The following CARMIL1 variants were observed in gnomAD, a reference collection of about 807,000 sequenced individuals.
CARMIL1 encodes capping protein regulator and myosin 1 linker 1.
CARMIL1 carries 90 observed loss-of-function variants against 177.1 expected under a neutral mutation model. The observed-to-expected ratio is 0.51, with a 90% CI of 0.43 to 0.61. The LOEUF (loss-of-function observed/expected upper bound fraction) is 0.61, where lower values mean the gene tolerates loss of function less well. CARMIL1 is among the 20% of genes least tolerant of loss of function. The probability of loss-of-function intolerance (pLI) is 0.00; values close to 1 mark genes in which losing one functional copy is unlikely to be tolerated. For missense variants in CARMIL1, 1,380 were observed against 1,667.0 expected (o/e 0.83, Z 3.00); for synonymous variants, 577 against 606.2 (o/e 0.95, Z 0.71).
rs1263301777 is a variant in CARMIL1, at chr6:25,577,623, A to G, written c.2743-3301A>G. On this transcript the variant is annotated intron_variant, in intron 29 of 36. Coordinates refer to ENST00000329474, the MANE Select transcript of CARMIL1 (RefSeq NM_017640.6). This position sits in a 1 kb window ranked among gnomAD's most constrained non-coding sequence, Gnocchi z 4.5. ...ACTCTCATTTTTTTAAAAAAAAAGT[A>G]TGTCTAGGAATTACATGTTAAAAGT... 6.6e-6 allele frequency among the ~76,000 whole-genome samples: 1 copy of G among 152,134 alleles called. No homozygotes were observed. Among genetic ancestry groups the G allele is most frequent in the Non-Finnish European group, 1.5e-5 (1 of 68,010 alleles).
chr6:25,449,682 C>T (rs1425397743), intron 5 of CARMIL1, among the ~76,000 whole-genome samples: 1 of 152,038 alleles, frequency 6.6e-6, no homozygotes, highest in Non-Finnish European at 1.5e-5. Context: ...TGCTAAATAC[C>T]TTTCATCTAC....
chr6:25,357,862 A>G (rs183653686), intron 2 of CARMIL1, among the ~76,000 whole-genome samples: 385 of 152,342 alleles, frequency 2.5e-3, no homozygotes, highest in Middle Eastern at 0.017. Flanking sequence ...GCAGTATGGC[A>G]GGTACATTAC....
intron 2 of CARMIL1, among the ~76,000 whole-genome samples, chr6:25,314,578 A>G (rs1581535787): frequency 6.6e-6 from 1 of 152,030 alleles, no homozygotes; most frequent in South Asian, 2.1e-4. Context: ...ACATTCACAC[A>G]TGCACTTATA....
chr6:25,299,102 A>G (rs1782656289), intron 2 of CARMIL1, among the ~76,000 whole-genome samples: 5 of 149,698 alleles, frequency 3.3e-5, no homozygotes, highest in Admixed American at 3.3e-4. Context: ...AGGGTGCATT[A>G]TCTGAGTTCA....
intron 5 of CARMIL1, among the ~76,000 whole-genome samples, chr6:25,441,200 A>G (rs1383883435): frequency 6.6e-6 from 1 of 151,750 alleles, no homozygotes. Flanking sequence ...TGTATTCCCA[A>G]CTAATGGGAG....
chr6:25,463,968 G>A (rs925218581), intron 8 of CARMIL1, among the ~76,000 whole-genome samples: 22 of 150,588 alleles, frequency 1.5e-4, no homozygotes, highest in Non-Finnish European at 2.2e-4. Flanking sequence ...GACTACAGGC[G>A]CCCGCCACTA....
At chr6:25,309,479 CTT>C (rs35901028) in intron 2 of CARMIL1, among the ~76,000 whole-genome samples, 40 of 145,174 alleles carry the variant, frequency 2.8e-4, no homozygotes, top group Non-Finnish European at 2.7e-4. Flanking sequence ...AATTTTGAGC[CTT>C]TTTTTTTTTT....
chr6:25,485,157 G>A (rs529574379), intron 12 of CARMIL1, among the ~76,000 whole-genome samples: 2 of 152,084 alleles, frequency 1.3e-5, no homozygotes, highest in African/African-American at 4.8e-5. Flanking sequence ...ATCCTTTCAA[G>A]GGCAAGTTTG....
At position 25,500,806 on chromosome 6, in the gene CARMIL1, C is replaced by T. The variant is rs138036648; in HGVS notation, c.1395+571C>T. ...TTTTTGAGATGGAGTTTTGTTTTGT[C>T]GCCCAGGCTGGAGTACAGTGGCACG... On this transcript the variant is annotated intron_variant, in intron 17 of 36. Coordinates refer to ENST00000329474, the MANE Select transcript of CARMIL1 (RefSeq NM_017640.6). Among the ~76,000 whole-genome samples the T allele has an allele frequency of 2.9e-3, 433 of 151,548 alleles. 9 individuals are homozygous for T. Among genetic ancestry groups the T allele is most frequent in the Admixed American group, 0.025 (376 of 15,230 alleles).
rs1393989163 is a variant in CARMIL1 at position 25,600,614 on chromosome 6, A to G, written c.3420A>G (p.Ile1140Met). The G allele has an allele frequency of 3.7e-6, 6 of 1,613,868 alleles. No homozygotes were observed. The African/African-American group carries it at 5.3e-5, about 14-fold the overall frequency. ...DSFEESQGEE[I>M]GKVERSDSKS... ...TTGAAGAGAGTCAAGGGGAAGAAAT[A>G]GGGAAGGTGGAACGGAGTGACAGCA... Residue 1140 changes from isoleucine to methionine, a missense_variant, in exon 33 of 37, where the codon ATA (isoleucine) becomes ATG (methionine). Transcript: ENST00000329474.
At chr6:25,530,105 T>C (rs1807595917) in intron 24 of CARMIL1, among the ~76,000 whole-genome samples, 2 of 151,364 alleles carry the variant, frequency 1.3e-5, no homozygotes, top group Admixed American at 1.3e-4. Flanking sequence ...GGGGTTGATA[T>C]AACCCACTAG....
chr6:25,590,926 AT>A (rs930642687), intron 31 of CARMIL1, among the ~76,000 whole-genome samples: 1 of 151,288 alleles, frequency 6.6e-6, no homozygotes, highest in African/African-American at 2.4e-5. Flanking sequence ...TCTCAAGTTC[AT>A]TTTTTTCTTT....
At chr6:25,395,092 C>CA (rs1793251360) in intron 2 of CARMIL1, among the ~76,000 whole-genome samples, 2 of 152,092 alleles carry the variant, frequency 1.3e-5, no homozygotes, top group South Asian at 2.1e-4. Context: ...CAGCAAGTCA[C>CA]AAAAAAATGA....
At position 25,450,912 on chromosome 6, in the gene CARMIL1, TTCTCCTCTCCTCTCC is replaced by T. The variant is rs1163650038; in HGVS notation, c.614+241_614+255del. The stretch of plus-strand genomic sequence containing the variant: ...TCTTTTCTTTTCTTTTTTCTTTTCC[TTCTCCTCTCCTCTCC>T]TCTCCTCTCCTCTCCTCTCCTCTCC... On this transcript the variant is annotated intron_variant, in intron 8 of 36. Transcript: ENST00000329474. Among the ~76,000 whole-genome samples, 128 of 14,458 alleles carry T rather than the reference TTCTCCTCTCCTCTCC, an allele frequency of 8.9e-3. 3 individuals are homozygous for T. Among genetic ancestry groups the T allele is most frequent in the African/African-American group, 0.027 (105 of 3,872 alleles). The allele number at this position is 14,458 out of a possible 152,430, so 9.5% of individuals were successfully genotyped here.
chr6:25,429,205 A>C (rs1169772222), intron 4 of CARMIL1, among the ~76,000 whole-genome samples: 2 of 152,168 alleles, frequency 1.3e-5, no homozygotes, highest in African/African-American at 4.8e-5. Flanking sequence ...AGGCTTGCTT[A>C]CTTCTTACCA....
intron 2 of CARMIL1, among the ~76,000 whole-genome samples, chr6:25,372,564 C>A (rs1475856313): frequency 6.6e-6 from 1 of 152,102 alleles, no homozygotes; most frequent in African/African-American, 2.4e-5. Context: ...TGGTGTATGG[C>A]AGTACTACTG....
chr6:25,465,812 T>C (rs2150922891), intron 8 of CARMIL1, 61 bp from the exon 9 acceptor site: 1 of 947,112 alleles, frequency 1.1e-6, no homozygotes, highest in African/African-American at 1.6e-5. Flanking sequence ...GGATTAAAAA[T>C]TAAGTGTCAG....
chr6:25,566,997 C>T (rs1811612059), intron 29 of CARMIL1, among the ~76,000 whole-genome samples: 1 of 152,236 alleles, frequency 6.6e-6, no homozygotes, highest in African/African-American at 2.4e-5. Flanking sequence ...CCACTGTAAC[C>T]AGTGCTTTGT....
chr6:25,300,061 T>G (rs1782728004), intron 2 of CARMIL1, among the ~76,000 whole-genome samples: 1 of 151,826 alleles, frequency 6.6e-6, no homozygotes, highest in Non-Finnish European at 1.5e-5. Flanking sequence ...GAATCATTGG[T>G]TTAGATCAGT....
Sources: allele counts gnomAD v4.1 joint callset (sites outside exome capture counted in the v4.1 genomes callset), GRCh38; gene constraint gnomAD v4.1.1; non-coding constraint Gnocchi (gnomAD v3.1); transcripts MANE v1.5; gene names NCBI Gene and HGNC (gene_info 2026-07-23, HGNC 2026-07-21).